Variants in HSD17B2 observed in about 807,000 individuals in gnomAD.
HSD17B2 encodes 17-beta-hydroxysteroid dehydrogenase type 2.
Under a neutral mutation model 26.9 loss-of-function variants are expected in HSD17B2, and 32 were observed. The ratio of observed to expected loss-of-function variants is 1.19; its 90% CI spans 0.90 to 1.60. The LOEUF (loss-of-function observed/expected upper bound fraction) is 1.60. Among genes scored for constraint, HSD17B2 ranks in the 40% most tolerant of loss-of-function variants. The probability of loss-of-function intolerance (pLI) is 0.00; values close to 1 mark genes in which losing one functional copy is unlikely to be tolerated. For synonymous variants in HSD17B2, 246 were observed against 186.7 expected, an observed-to-expected ratio of 1.32 and a Z score of -2.59; for missense variants, 613 against 468.6, an observed-to-expected ratio of 1.31 and a Z score of -2.85.
chr16:82,040,108 A>G (rs567873886), intron 1 of HSD17B2, among the ~76,000 whole-genome samples: 1 of 152,368 alleles, frequency 6.6e-6, no homozygotes, highest in South Asian at 2.1e-4. Context: ...AAATTTCAAA[A>G]CTGGATATAT....
At position 82,039,358 on chromosome 16, in the gene HSD17B2, A is replaced by G. The variant is rs544902706; in HGVS notation, c.265+3669A>G. Among the ~76,000 whole-genome samples, 15 of 152,058 alleles carry G rather than the reference A, an allele frequency of 9.9e-5. 1 individual carries two copies. In the South Asian group the frequency reaches 2.7e-3, roughly 28 times the overall value. On this transcript the variant is annotated intron_variant, in intron 1 of 4. Coordinates refer to ENST00000199936, the MANE Select transcript of HSD17B2 (RefSeq NM_002153.3). ...GAGAGAGAGAGAGAGAGAGGGAGAG[A>G]GAGAGAGAGAGAGAATGACTGTATT...
chr16:82,054,426 C>T (rs780666369), intron 1 of HSD17B2, among the ~76,000 whole-genome samples: 30 of 152,184 alleles, frequency 2.0e-4, no homozygotes, highest in Admixed American at 7.2e-4. Flanking sequence ...CTCACTGCAA[C>T]TTCCACCTCC....
At chr16:82,075,069 A>G (rs1219987195) in intron 3 of HSD17B2, among the ~76,000 whole-genome samples, 1 of 152,236 alleles carries the variant, frequency 6.6e-6, no homozygotes, top group South Asian at 2.1e-4. Context: ...ATATAAGCAC[A>G]TGGAAATTAA....
intron 1 of HSD17B2, among the ~76,000 whole-genome samples, chr16:82,062,797 C>G (rs567860988): frequency 1.2e-4 from 19 of 152,324 alleles, no homozygotes; most frequent in South Asian, 4.1e-4. Context: ...CAACTTCTCA[C>G]GAAAGCCCTG....
chr16:82,043,406 C>G (rs548837266), intron 1 of HSD17B2, among the ~76,000 whole-genome samples: 2 of 145,006 alleles, frequency 1.4e-5, no homozygotes, highest in East Asian at 3.9e-4. Context: ...TATAGATGGC[C>G]GGGCGCGGTG....
chr16:82,073,212 TTTA>T (rs937047346), intron 3 of HSD17B2, among the ~76,000 whole-genome samples: 3 of 151,886 alleles, frequency 2.0e-5, no homozygotes, highest in Non-Finnish European at 4.4e-5. Flanking sequence ...ATCTCACTCT[TTTA>T]TTATTATTAT....
chr16:82,067,696 C>A (rs889039400), intron 1 of HSD17B2, among the ~76,000 whole-genome samples: 1 of 152,218 alleles, frequency 6.6e-6, no homozygotes, highest in African/African-American at 2.4e-5. Flanking sequence ...AACTGGCCCC[C>A]ATGGGCAGCC....
chr16:82,045,021 G>A (rs1012068394), intron 1 of HSD17B2, among the ~76,000 whole-genome samples: 5 of 151,040 alleles, frequency 3.3e-5, no homozygotes, highest in African/African-American at 9.7e-5. Context: ...TACTCAGGAG[G>A]CTGAGACAGG....
chr16:82,070,079 C>G (rs1347531695), intron 2 of HSD17B2, among the ~76,000 whole-genome samples: 1 of 152,194 alleles, frequency 6.6e-6, no homozygotes, highest in Non-Finnish European at 1.5e-5. Context: ...ACAAAGTTAT[C>G]TATCAGACAT....
At chr16:82,058,144 C>A (rs897699511) in intron 1 of HSD17B2, among the ~76,000 whole-genome samples, 2 of 150,286 alleles carry the variant, frequency 1.3e-5, no homozygotes, top group African/African-American at 2.5e-5. Context: ...TGAGCATGCT[C>A]ACTGCAGCCT....
At chr16:82,060,161 A>G (rs925483910) in intron 1 of HSD17B2, among the ~76,000 whole-genome samples, 2 of 152,190 alleles carry the variant, frequency 1.3e-5, no homozygotes, top group Admixed American at 6.5e-5. Flanking sequence ...TGTCAACATG[A>G]GGGTGGCAAT....
At chr16:82,057,662 G>T (rs1201588276) in intron 1 of HSD17B2, among the ~76,000 whole-genome samples, 2 of 152,178 alleles carry the variant, frequency 1.3e-5, no homozygotes, top group Admixed American at 6.5e-5. Flanking sequence ...AAGTCACATG[G>T]GTGCTATGTA....
At chr16:82,072,471 C>T (rs1448436462) in intron 3 of HSD17B2, among the ~76,000 whole-genome samples, 6 of 152,174 alleles carry the variant, frequency 3.9e-5, no homozygotes, top group African/African-American at 1.4e-4. Context: ...CTTCTGGGAA[C>T]GTCTCACAGA....
Position 82,035,330 on chromosome 16 carries a change from ACTCT to A in HSD17B2, c.-92_-89del. On this transcript the variant is annotated 5_prime_UTR_variant, in exon 1 of 5. It introduces an in-frame stop codon into an upstream open reading frame of the 5' UTR. Coordinates refer to ENST00000199936, the MANE Select transcript of HSD17B2 (RefSeq NM_002153.3). ...GGCTGCTTTCTCCCCTCCCTTCTTG[ACTCT>A]CTGTTCACAGAACTCAGGCTGCCTC... 8.3e-7 allele frequency: 1 copy of A among 1,211,042 alleles called. No homozygotes were observed. The highest frequency in any genetic ancestry group is 2.1e-5 in the Admixed American group (1 of 47,992). 75.0% of individuals were successfully genotyped at this position (1,211,042 alleles called of 1,614,324 possible).
intron 3 of HSD17B2, among the ~76,000 whole-genome samples, chr16:82,085,937 C>T (rs946270125): frequency 5.5e-5 from 8 of 144,618 alleles, no homozygotes; most frequent in Non-Finnish European, 7.8e-5. Flanking sequence ...AATATACACC[C>T]TAAGATGGCT....
intron 3 of HSD17B2, among the ~76,000 whole-genome samples, chr16:82,079,962 T>A (rs910525907): frequency 6.6e-6 from 1 of 152,146 alleles, no homozygotes; most frequent in African/African-American, 2.4e-5. Flanking sequence ...AAGCAGTCAG[T>A]CACTAATAAG....
chr16:82,081,563 T>C (rs1321689978), intron 3 of HSD17B2, among the ~76,000 whole-genome samples: 1 of 152,120 alleles, frequency 6.6e-6, no homozygotes, highest in Non-Finnish European at 1.5e-5. Context: ...CTTTTGTCCC[T>C]GTAAAGTGGA....
At chr16:82,088,569 T>C (rs1904594168) in intron 3 of HSD17B2, among the ~76,000 whole-genome samples, 1 of 152,188 alleles carries the variant, frequency 6.6e-6, no homozygotes, top group South Asian at 2.1e-4. Context: ...ATAAAGGTCA[T>C]GGAGAAGTGA....
intron 3 of HSD17B2, among the ~76,000 whole-genome samples, chr16:82,089,533 T>C (rs1449293161): frequency 6.6e-6 from 1 of 152,156 alleles, no homozygotes; most frequent in African/African-American, 2.4e-5. Context: ...TGCACCTCAA[T>C]TCATATTCTG....
Sources: allele counts gnomAD v4.1 joint callset (sites outside exome capture counted in the v4.1 genomes callset), GRCh38; gene constraint gnomAD v4.1.1; transcripts MANE v1.5; gene names NCBI Gene and HGNC (gene_info 2026-07-23, HGNC 2026-07-21).